The following LRRFIP2 variants were observed in gnomAD, a reference collection of about 807,000 sequenced individuals.
LRRFIP2 encodes the protein LRR binding FLII interacting protein 2.
Under a neutral mutation model 125.9 loss-of-function variants are expected in LRRFIP2, and 109 were observed. The observed-to-expected ratio is 0.87, with a 90% CI of 0.74 to 1.01. The LOEUF is 1.01. Ranked by LOEUF, LRRFIP2 falls within the 50% of genes least tolerant of loss-of-function variation. LRRFIP2 has a pLI of 0.00. For missense variants in LRRFIP2, 850 were observed against 862.3 expected, an observed-to-expected ratio of 0.99 and a Z score of 0.18; for synonymous variants, 291 against 293.1, an observed-to-expected ratio of 0.99 and a Z score of 0.07.
rs566823888 is a variant in LRRFIP2 at position 37,147,526 on chromosome 3, C to T, written c.90+1368G>A. On this transcript the variant is annotated intron_variant, in intron 2 of 27. Transcript: ENST00000336686. ...TATCAGGTTTTAGGTAATAACTTTC[C>T]TTTGCTACAAATAGCCTCCTACAGC... 1.7e-3 allele frequency among the ~76,000 whole-genome samples: 260 copies of T among 152,254 alleles called. 2 individuals carry two copies. Among genetic ancestry groups the T allele is most frequent in the Non-Finnish European group, 3.2e-3 (220 of 68,012 alleles).
chr3:37,115,005 G>A (rs771461688), intron 7 of LRRFIP2, 49 bp downstream of exon 7: 2 of 1,387,788 alleles, frequency 1.4e-6, no homozygotes, highest in African/African-American at 1.4e-5. Flanking sequence ...ATCAACAGAT[G>A]TTTATAAAGT....
chr3:37,056,027 CTT>C (rs1559627926), intron 25 of LRRFIP2, among the ~76,000 whole-genome samples: 1 of 152,142 alleles, frequency 6.6e-6, no homozygotes, highest in Non-Finnish European at 1.5e-5. Flanking sequence ...ATTTGTCATG[CTT>C]TTTAAACATC....
chr3:37,125,851 G>T (rs1361506020), intron 4 of LRRFIP2, among the ~76,000 whole-genome samples: 1 of 152,082 alleles, frequency 6.6e-6, no homozygotes, highest in African/African-American at 2.4e-5. Flanking sequence ...ATTTTGTATT[G>T]TAACTATTAC....
chr3:37,092,890 G>A (rs1303191897), intron 17 of LRRFIP2, among the ~76,000 whole-genome samples: 1 of 152,036 alleles, frequency 6.6e-6, no homozygotes, highest in Non-Finnish European at 1.5e-5. Context: ...CCAGGCTGGA[G>A]TGCAGAGGCA....
chr3:37,127,722 T>C (rs1232790633), intron 3 of LRRFIP2, 42 bp from the exon 4 acceptor site: 13 of 1,489,026 alleles, frequency 8.7e-6, no homozygotes, highest in Non-Finnish European at 1.1e-5. Flanking sequence ...GTTTCTAACA[T>C]ATTGCATTCT....
chr3:37,149,232 CA>C (rs1458966994), intron 1 of LRRFIP2, among the ~76,000 whole-genome samples, 194 bp from the exon 2 acceptor site: 4 of 152,194 alleles, frequency 2.6e-5, no homozygotes, highest in Non-Finnish European at 5.9e-5. Context: ...ATGCTACCCA[CA>C]GCAATCTGTG....
intron 19 of LRRFIP2, among the ~76,000 whole-genome samples, chr3:37,079,382 G>C (rs1014395366): frequency 1.3e-5 from 2 of 152,132 alleles, no homozygotes; most frequent in African/African-American, 4.8e-5. Context: ...CTGTTCAAAT[G>C]GTTAAACACA....
chr3:37,083,686 G>T lies in LRRFIP2; in HGVS notation c.1228C>A (p.Gln410Lys). ...VDTLKDVIEE[Q>K]EEQMAEFYRE... ...TAAAATTCTGCCATCTGTTCCTCCT[G>T]CTCTTCAATAACATCCTTGAGTGTG... Residue 410 changes from glutamine to lysine, a missense_variant, in exon 19 of 28, where the codon CAG (glutamine) becomes AAG (lysine). Transcript: ENST00000336686. The T allele has an allele frequency of 6.3e-7, 1 of 1,586,214 alleles. No individual in the cohort carries two copies. The highest frequency in any genetic ancestry group is 1.2e-5 in the South Asian group (1 of 85,596).
rs1027502516 is a variant in LRRFIP2 at position 37,066,121 on chromosome 3, C to T, written c.1566+103G>A. ...TACCAAATCTGGATTAGAGAATAAA[C>T]ACTGTAGTTTGTATTTAGGCTAGGA... is the stretch of plus-strand genomic sequence containing the variant. On this transcript the variant is annotated intron_variant, in intron 22 of 27. Coordinates refer to ENST00000336686, the MANE Select transcript of LRRFIP2 (RefSeq NM_006309.4). 4.5e-6 allele frequency: 6 copies of T among 1,321,808 alleles called. No individual in the cohort carries two copies. The Admixed American group carries it at 6.8e-5, about 15-fold the overall frequency. 81.9% of individuals were successfully genotyped at this position (1,321,808 alleles called of 1,614,324 possible).
At chr3:37,144,290 C>T (rs755786813) in intron 2 of LRRFIP2, among the ~76,000 whole-genome samples, 32 of 152,218 alleles carry the variant, frequency 2.1e-4, no homozygotes, top group Non-Finnish European at 1.9e-4. Context: ...AAACAAAGGA[C>T]CTTAAACTTG....
At chr3:37,147,663 A>G (rs976696212) in intron 2 of LRRFIP2, among the ~76,000 whole-genome samples, 30 of 152,240 alleles carry the variant, frequency 2.0e-4, no homozygotes, top group African/African-American at 7.0e-4. Flanking sequence ...CTATTCCTAA[A>G]TAAGTTATTT....
intron 2 of LRRFIP2, among the ~76,000 whole-genome samples, chr3:37,146,993 T>G (rs531806923): frequency 1.0e-3 from 152 of 151,526 alleles, no homozygotes; most frequent in African/African-American, 3.4e-3. Context: ...ATCCAGAATC[T>G]ACAAGGAACT....
At chr3:37,103,064 G>GA in intron 14 of LRRFIP2, 51 bp from the exon 15 acceptor site, 1 of 1,408,102 alleles carries the variant, frequency 7.1e-7, no homozygotes, top group South Asian at 1.3e-5. Context: ...AAAAAAGAAA[G>GA]AAAAAAATAA....
rs533360507 is a variant in LRRFIP2 at position 37,157,017 on chromosome 3, T to C, written c.-55-7979A>G. On this transcript the variant is annotated intron_variant, in intron 1 of 27. Coordinates refer to ENST00000336686, the MANE Select transcript of LRRFIP2 (RefSeq NM_006309.4). ...GGTGGCACATGCCTGTAATCCCAGC[T>C]ACTTGGGAGGCTGAGGCAGGAGAAT... Among the ~76,000 whole-genome samples the C allele has an allele frequency of 2.0e-3, 298 of 152,034 alleles. 1 individual carries two copies. The highest frequency in any genetic ancestry group is 7.0e-3 in the African/African-American group (291 of 41,464).
At chr3:37,137,257 T>C (rs1016088652) in intron 2 of LRRFIP2, among the ~76,000 whole-genome samples, 11 of 152,010 alleles carry the variant, frequency 7.2e-5, no homozygotes, top group Non-Finnish European at 1.5e-5. Flanking sequence ...GGACTACAGG[T>C]GTGAGCCACC....
chr3:37,132,268 T>C (rs912939057), intron 2 of LRRFIP2, among the ~76,000 whole-genome samples: 2 of 136,484 alleles, frequency 1.5e-5, no homozygotes, highest in Non-Finnish European at 3.3e-5. Context: ...GGAATTTTCA[T>C]TTACATGTAT....
At chr3:37,114,645 C>T (rs2094696201) in intron 7 of LRRFIP2, among the ~76,000 whole-genome samples, 1 of 151,948 alleles carries the variant, frequency 6.6e-6, no homozygotes, top group Admixed American at 6.6e-5. Context: ...ATTAGCTGGG[C>T]ATGGTGGCAC....
intron 1 of LRRFIP2, among the ~76,000 whole-genome samples, chr3:37,159,862 G>A (rs1028593997): frequency 6.6e-6 from 1 of 150,722 alleles, no homozygotes; most frequent in Non-Finnish European, 1.5e-5. Context: ...AAGAAGGGGA[G>A]GAAAAAAAGG....
At chr3:37,092,752 T>C (rs1358854868) in intron 17 of LRRFIP2, among the ~76,000 whole-genome samples, 2 of 152,222 alleles carry the variant, frequency 1.3e-5, no homozygotes, top group African/African-American at 4.8e-5. Context: ...GGTGCTCTCC[T>C]TCTCTGCCGC....
Sources: gnomAD v4.1 joint callset for allele counts (sites outside exome capture counted in the v4.1 genomes callset) on GRCh38, gnomAD v4.1.1 for gene constraint, MANE v1.5 for transcripts, NCBI Gene and HGNC (gene_info 2026-07-23, HGNC 2026-07-21) for gene names.